BCL11B: variants seen among roughly 807,000 people sequenced by gnomAD.
The protein encoded by BCL11B is BCL11 transcription factor B.
In BCL11B, 8 loss-of-function variants were observed where a neutral mutation model predicts 49.9. The observed-to-expected ratio is 0.16, with a 90% CI of 0.09 to 0.29. The LOEUF (loss-of-function observed/expected upper bound fraction) is 0.29. Among genes scored for constraint, BCL11B ranks in the 10% least tolerant of loss-of-function variants. BCL11B has a pLI of 1.00. For missense variants in BCL11B, 1,006 were observed against 1,351.0 expected (o/e 0.74, Z 4.00); for synonymous variants, 739 against 637.4 (o/e 1.16, Z -2.40).
chr14:99,271,355 G>A lies in BCL11B; in HGVS notation c.-137C>T. The A allele has an allele frequency of 2.2e-6, 1 of 464,304 alleles. No homozygotes were observed. The highest frequency in any genetic ancestry group is 4.0e-5 in the East Asian group (1 of 24,890). 28.8% of individuals were successfully genotyped at this position (464,304 alleles called of 1,614,324 possible). A position where few individuals can be genotyped will look rare whatever the true frequency, so the allele number is the denominator to read the frequency against. ...GCCGCCGCACCTCCTCCTCTGCCCG[G>A]GTTGGTGTTTTTTTTCCCTTCCTCT... is the stretch of plus-strand genomic sequence containing the variant. On this transcript the variant is annotated 5_prime_UTR_variant, in exon 1 of 4. Transcript: ENST00000357195.
At chr14:99,266,193 C>A (rs1204427847) in intron 1 of BCL11B, among the ~76,000 whole-genome samples, 1 of 152,136 alleles carries the variant, frequency 6.6e-6, no homozygotes, top group African/African-American at 2.4e-5. Context: ...GGGAACATTA[C>A]CTAATAAATG....
intron 1 of BCL11B, among the ~76,000 whole-genome samples, chr14:99,263,679 A>G (rs1439815523): frequency 6.6e-6 from 1 of 152,272 alleles, no homozygotes; most frequent in East Asian, 1.9e-4. Flanking sequence ...ATGGAGTCCA[A>G]CCGCCTTCTC....
Position 99,232,745 on chromosome 14 carries a change from TGACTGCAGAA to T in BCL11B, c.428-1198_428-1189del, listed in dbSNP as rs1888375618. On this transcript the variant is annotated intron_variant, in intron 2 of 3. Coordinates refer to ENST00000357195, the MANE Select transcript of BCL11B (RefSeq NM_138576.4). This position sits in a 1 kb window ranked among gnomAD's most constrained non-coding sequence, Gnocchi z 5.1. The stretch of plus-strand genomic sequence containing the variant: ...TGCACAGACCAGGAAACTGATGGCG[TGACTGCAGAA>T]AACTGCAGACATCAGCAGCCCCATC... Among the ~76,000 whole-genome samples the T allele has an allele frequency of 6.6e-6, 1 of 152,182 alleles. No individual in the cohort carries two copies. The highest frequency in any genetic ancestry group is 1.9e-4 in the East Asian group (1 of 5,200).
At position 99,242,814 on chromosome 14, in the gene BCL11B, A is replaced by G. The variant is rs1466111520; in HGVS notation, c.428-11257T>C. 2.6e-5 allele frequency among the ~76,000 whole-genome samples: 4 copies of G among 152,184 alleles called. No individual in the cohort carries two copies. Among genetic ancestry groups the G allele is most frequent in the Non-Finnish European group, 5.9e-5 (4 of 68,026 alleles). On this transcript the variant is annotated intron_variant, in intron 2 of 3. Transcript: ENST00000357195. The surrounding 1 kb of genome is among the most constrained non-coding windows in gnomAD (Gnocchi z 4.4). Reference sequence around the variant, plus strand: ...ACTTCCAAAGAAAAGCAACAACCAAAAAGTAAAATGGAGCCCCAATAGGAC... The same window carrying G: ...ACTTCCAAAGAAAAGCAACAACCAAGAAGTAAAATGGAGCCCCAATAGGAC...
intron 2 of BCL11B, among the ~76,000 whole-genome samples, chr14:99,238,978 TATATAC>T (rs1888586448): frequency 6.6e-6 from 1 of 152,026 alleles, no homozygotes; most frequent in South Asian, 2.1e-4. Flanking sequence ...AGAGAGGTTC[TATATAC>T]ATATACATAT....
chr14:99,181,665 AGAG>A (rs1434231940), intron 3 of BCL11B, among the ~76,000 whole-genome samples: 6 of 152,198 alleles, frequency 3.9e-5, no homozygotes, highest in East Asian at 3.9e-4. Context: ...TTGACCCTGG[AGAG>A]GAGAAGGGGA....
chr14:99,197,333 C>CTG (rs1887206068), intron 3 of BCL11B, among the ~76,000 whole-genome samples: 1 of 152,144 alleles, frequency 6.6e-6, no homozygotes, highest in East Asian at 1.9e-4. Context: ...CCTAAAGACA[C>CTG]CCCTGGCCCC....
intron 2 of BCL11B, among the ~76,000 whole-genome samples, chr14:99,244,129 C>A (rs1349385377): frequency 1.3e-5 from 2 of 152,092 alleles, no homozygotes; most frequent in East Asian, 3.9e-4. Flanking sequence ...ACTGTCCAAG[C>A]CTTAGCCCAA....
Position 99,271,298 on chromosome 14 carries a change from G to GCGCCGCGGC in BCL11B, c.-81_-80insGCCGCGGCG. ...GGGGGAGGGGGTCCGAGCCGCCGCC[G>GCGCCGCGGC]CGCCGCTGCCGCCGCTGCCGCCGCC... On this transcript the variant is annotated 5_prime_UTR_variant, in exon 1 of 4. Transcript: ENST00000357195. 3.4e-6 allele frequency: 3 copies of GCGCCGCGGC among 885,082 alleles called. No individual in the cohort carries two copies. Among genetic ancestry groups the GCGCCGCGGC allele is most frequent in the Non-Finnish European group, 4.4e-6 (3 of 675,884 alleles). 54.8% of individuals were successfully genotyped at this position (885,082 alleles called of 1,614,324 possible). A position where few individuals can be genotyped will look rare whatever the true frequency, so the allele number is the denominator to read the frequency against.
Position 99,169,886 on chromosome 14 carries a change from C to A in BCL11B, c.*4265G>T. The A allele has an allele frequency of 4.4e-6, 1 of 229,832 alleles. No homozygotes were observed. Among genetic ancestry groups the A allele is most frequent in the Non-Finnish European group, 8.6e-6 (1 of 115,634 alleles). The allele number at this position is 229,832 out of a possible 1,614,324, so 14.2% of individuals were successfully genotyped here. A position where few individuals can be genotyped will look rare whatever the true frequency, so the allele number is the denominator to read the frequency against. ...ACCCTCTAATGCCAAGTGGCAGGTT[C>A]CAATTGGGGGCAACTTTGAACAAAG... On this transcript the variant is annotated 3_prime_UTR_variant, in exon 4 of 4. Coordinates refer to ENST00000357195, the MANE Select transcript of BCL11B (RefSeq NM_138576.4).
intron 3 of BCL11B, among the ~76,000 whole-genome samples, chr14:99,179,650 C>T (rs753734036): frequency 7.2e-5 from 11 of 152,044 alleles, no homozygotes; most frequent in Non-Finnish European, 1.6e-4. Context: ...GTCCGGGAAC[C>T]GCTTTGGTTC....
rs370505554 is a variant in BCL11B, at chr14:99,231,380, G to A, written c.605C>T (p.Thr202Met). 3.1e-5 allele frequency: 49 copies of A among 1,606,482 alleles called. No homozygotes were observed. Among genetic ancestry groups the A allele is most frequent in the Admixed American group, 5.1e-5 (3 of 59,062 alleles). The change falls in exon 3 of 4, where the codon ACG becomes ATG. Residue 202 changes from threonine to methionine, a missense_variant. Around this residue, in one of 6 missense-constraint regions of BCL11B, gnomAD observed 411 missense variants for 542.2 expected, o/e 0.76. Transcript: ENST00000357195. This position sits in a 1 kb window ranked among gnomAD's most constrained non-coding sequence, Gnocchi z 8.1. ...ACACTGGCATCCAAAGGGAGCCTCCGTCTGACCCTCACCCTGAGTCCCGTC... is the reference window on the plus strand; with the variant it reads ...ACACTGGCATCCAAAGGGAGCCTCCATCTGACCCTCACCCTGAGTCCCGTC... ...SGDGTQGEGQTEAPFGCQCQL... is the reference protein window; with the variant it reads ...SGDGTQGEGQMEAPFGCQCQL...
At chr14:99,206,591 G>A (rs2614472) in intron 3 of BCL11B, among the ~76,000 whole-genome samples, 20,496 of 152,116 alleles carry the variant, frequency 0.13, 2,441 homozygotes, top group African/African-American at 0.33. Context: ...CTTGGGCATC[G>A]GAGCAACTGT....
chr14:99,220,030 C>T (rs1887962714), intron 3 of BCL11B, among the ~76,000 whole-genome samples: 1 of 152,132 alleles, frequency 6.6e-6, no homozygotes, highest in Non-Finnish European at 1.5e-5. Context: ...GTTGTTGCCA[C>T]ATCCCTGAGA....
rs866405455 is a variant in BCL11B, at chr14:99,169,640, G to A, written c.*4511C>T. ...GCTCATACAATAAGTAATAGAAAAG[G>A]TAATAAAAATATTTTGCCTTGCCAG... On this transcript the variant is annotated 3_prime_UTR_variant, in exon 4 of 4. Coordinates refer to ENST00000357195, the MANE Select transcript of BCL11B (RefSeq NM_138576.4). 1.4e-5 allele frequency: 3 copies of A among 213,084 alleles called. No homozygotes were observed. The highest frequency in any genetic ancestry group is 5.9e-5 in the Admixed American group (1 of 17,054). The allele number at this position is 213,084 out of a possible 1,614,324, so 13.2% of individuals were successfully genotyped here.
intron 3 of BCL11B, among the ~76,000 whole-genome samples, chr14:99,179,299 C>T (rs1201514015): frequency 6.6e-6 from 1 of 151,970 alleles, no homozygotes; most frequent in African/African-American, 2.4e-5. Flanking sequence ...CATGATGAAA[C>T]CCCATCTCTG....
intron 3 of BCL11B, among the ~76,000 whole-genome samples, chr14:99,217,385 G>GACACACACACACACATACAGAC (rs1555380376): frequency 4.6e-5 from 6 of 131,130 alleles, no homozygotes; most frequent in Admixed American, 3.1e-4. Flanking sequence ...CACACATACA[G>GACACACACACACACATACAGAC]ACACACACAC....
intron 3 of BCL11B, among the ~76,000 whole-genome samples, chr14:99,189,325 G>A (rs1172366737): frequency 6.6e-6 from 1 of 152,218 alleles, no homozygotes; most frequent in Non-Finnish European, 1.5e-5. Context: ...ATGCACAGCC[G>A]AGCTGCCTGG....
chr14:99,181,749 C>T (rs1370000439), intron 3 of BCL11B, among the ~76,000 whole-genome samples: 1 of 152,152 alleles, frequency 6.6e-6, no homozygotes, highest in Non-Finnish European at 1.5e-5. Flanking sequence ...GAGGTAGACA[C>T]CGAAGTGGCC....
Sources: gnomAD v4.1 joint callset for allele counts (sites outside exome capture counted in the v4.1 genomes callset) on GRCh38, gnomAD v4.1.1 for gene constraint, gnomAD v4.1.1 regional missense constraint, Gnocchi (gnomAD v3.1) non-coding constraint, MANE v1.5 for transcripts, NCBI Gene and HGNC (gene_info 2026-07-23, HGNC 2026-07-21) for gene names.